PEMT: variants seen among roughly 807,000 people sequenced by gnomAD.
PEMT encodes phospholipid methyltransferase.
In PEMT, 23 loss-of-function variants were observed where a neutral mutation model predicts 27.4. The observed-to-expected ratio is 0.84, with a 90% CI of 0.60 to 1.19. The LOEUF is 1.19. PEMT is among the 50% of genes most tolerant of loss of function. The pLI is 0.00. For synonymous variants in PEMT, 137 were observed against 139.1 expected (o/e 0.98, Z 0.11); for missense variants, 307 against 310.1 (o/e 0.99, Z 0.07).
chr17:17,530,624 G>A (rs140068830), intron 2 of PEMT, among the ~76,000 whole-genome samples: 6 of 152,254 alleles, frequency 3.9e-5, no homozygotes, highest in South Asian at 2.1e-4. Context: ...CCCTCCTGCC[G>A]CACAGCCTGA....
chr17:17,591,469 A>G (rs924290279), intron 1 of PEMT, 62 bp downstream of exon 1: 14 of 1,342,522 alleles, frequency 1.0e-5, no homozygotes, highest in Non-Finnish European at 1.2e-5. Context: ...GCAAGCCTTC[A>G]CGCCCCTCGG....
intron 2 of PEMT, among the ~76,000 whole-genome samples, chr17:17,528,434 CT>C (rs1285322604): frequency 6.6e-6 from 1 of 152,242 alleles, no homozygotes; most frequent in African/African-American, 2.4e-5. Context: ...CGAGGAGGCA[CT>C]CAACAAGCAC....
At chr17:17,554,646 C>T (rs1441712234) in intron 2 of PEMT, among the ~76,000 whole-genome samples, 2 of 151,700 alleles carry the variant, frequency 1.3e-5, no homozygotes, top group East Asian at 1.9e-4. Flanking sequence ...CAGAGTGTCT[C>T]GCTCTGTCTC....
chr17:17,505,742 G>A lies in PEMT; in HGVS notation c.*49C>T, dbSNP rs1345556226. ...GCCCTGCGCAGGGCCTGCCACTTGG[G>A]GCAGGCCAGGAGGCTGGCCAGGCCT... is the stretch of plus-strand genomic sequence containing the variant. On this transcript the variant is annotated 3_prime_UTR_variant, in exon 7 of 7. Transcript: ENST00000255389. 1 of 1,555,828 alleles carries A rather than the reference G, an allele frequency of 6.4e-7. No individual in the cohort carries two copies. The highest frequency in any genetic ancestry group is 1.2e-5 in the South Asian group (1 of 83,266).
intron 5 of PEMT, chr17:17,508,201 C>T (rs1906050613): frequency 6.6e-6 from 1 of 152,024 alleles, no homozygotes; most frequent in African/African-American, 2.4e-5. Flanking sequence ...CAGGGACGAC[C>T]TGGGTGGGGG....
chr17:17,519,875 G>A (rs555642484), intron 3 of PEMT, among the ~76,000 whole-genome samples: 1 of 152,224 alleles, frequency 6.6e-6, no homozygotes, highest in African/African-American at 2.4e-5. Context: ...CAGCTGCCTT[G>A]TGGCGCTGGC....
At chr17:17,524,271 T>C (rs1907507518) in intron 2 of PEMT, among the ~76,000 whole-genome samples, 1 of 152,178 alleles carries the variant, frequency 6.6e-6, no homozygotes, top group African/African-American at 2.4e-5. Context: ...TGTGGATGTG[T>C]GTTTTCAGTG....
intron 2 of PEMT, among the ~76,000 whole-genome samples, chr17:17,545,502 G>A (rs550966097): frequency 6.6e-6 from 1 of 152,172 alleles, no homozygotes; most frequent in Non-Finnish European, 1.5e-5. Flanking sequence ...ATTCCTATGG[G>A]CCCACTGGAG....
At chr17:17,553,378 A>C (rs937120613) in intron 2 of PEMT, among the ~76,000 whole-genome samples, 4 of 152,164 alleles carry the variant, frequency 2.6e-5, no homozygotes, top group African/African-American at 9.7e-5. Context: ...CCTCCCTGTA[A>C]CTATCCCTGT....
At position 17,582,418 on chromosome 17, in the gene PEMT, C is replaced by T. The variant is rs996643256; in HGVS notation, c.97-5391G>A. 3.0e-5 allele frequency: 30 copies of T among 985,340 alleles called. No individual in the cohort carries two copies. Among genetic ancestry groups the T allele is most frequent in the Admixed American group, 1.8e-4 (3 of 16,268 alleles). 61.0% of individuals were successfully genotyped at this position (985,340 alleles called of 1,614,324 possible). A position where few individuals can be genotyped will look rare whatever the true frequency, so the allele number is the denominator to read the frequency against. ...AGGGGTGCAGGGTTCTCGGGAGCAG[C>T]GCTCTGTGGTCAGGGAATGATCTGC... On this transcript the variant is annotated intron_variant, in intron 1 of 6. Coordinates refer to ENST00000255389, the MANE Select transcript of PEMT (RefSeq NM_148172.3). This position sits in a 1 kb window ranked among gnomAD's most constrained non-coding sequence, Gnocchi z 4.9.
chr17:17,515,549 T>G (rs1044493654), intron 3 of PEMT, among the ~76,000 whole-genome samples: 6 of 152,204 alleles, frequency 3.9e-5, no homozygotes, highest in African/African-American at 1.4e-4. Context: ...GCAGAGGAAC[T>G]GGGCTGAGCT....
Position 17,512,552 on chromosome 17 carries a change from C to A in PEMT, c.423G>T (p.Val141=), listed in dbSNP as rs1380559055. The A allele has an allele frequency of 6.2e-7, 1 of 1,608,730 alleles. No individual in the cohort carries two copies. ...LALLGLGVVL[V]LSSFFALGFA... is the part of the protein sequence containing the mutation. Reference sequence around the variant, plus strand: ...ACCCCAGTGCAAAGAAGCTGGAGAGCACGAGCACGACGCCCAGTCCCAGGA... The same window carrying A: ...ACCCCAGTGCAAAGAAGCTGGAGAGAACGAGCACGACGCCCAGTCCCAGGA... Residue 141 remains valine, a synonymous_variant, in exon 4 of 7, where the codon GTG becomes GTT. Transcript: ENST00000255389. This position sits in a 1 kb window ranked among gnomAD's most constrained non-coding sequence, Gnocchi z 6.3.
intron 2 of PEMT, among the ~76,000 whole-genome samples, chr17:17,545,812 G>GTAC (rs1909220422): frequency 6.6e-6 from 1 of 152,198 alleles, no homozygotes; most frequent in African/African-American, 2.4e-5. Flanking sequence ...AGCTACCAAG[G>GTAC]CAGGATGTAC....
intron 1 of PEMT, chr17:17,578,482 C>G (rs372746689): frequency 4.0e-5 from 6 of 151,644 alleles, no homozygotes; most frequent in Non-Finnish European, 4.4e-5. Context: ...CCTGGGCAAC[C>G]CTGTCTCAAA....
At chr17:17,551,020 T>C (rs1260912040) in intron 2 of PEMT, among the ~76,000 whole-genome samples, 1 of 152,176 alleles carries the variant, frequency 6.6e-6, no homozygotes, top group Non-Finnish European at 1.5e-5. Flanking sequence ...ATCAGGTGGT[T>C]TAATTTAGCA....
rs992210054 is a variant in PEMT, at chr17:17,512,036, C to T, written c.466+473G>A. ...CCCAGACCTACACCAGCCCTGCCTG[C>T]GGCCAAACACGGCACAAACCACAAT... On this transcript the variant is annotated intron_variant, in intron 4 of 6. Transcript: ENST00000255389. The surrounding 1 kb of genome is among the most constrained non-coding windows in gnomAD (Gnocchi z 6.3). Among the ~76,000 whole-genome samples the T allele has an allele frequency of 2.0e-5, 3 of 152,184 alleles. No individual in the cohort carries two copies. The highest frequency in any genetic ancestry group is 4.8e-5 in the African/African-American group (2 of 41,438).
chr17:17,531,163 A>C (rs1001869482), intron 2 of PEMT, among the ~76,000 whole-genome samples: 1 of 152,186 alleles, frequency 6.6e-6, no homozygotes, highest in African/African-American at 2.4e-5. Context: ...TCCTTGGTTA[A>C]AAGGCCGATT....
intron 2 of PEMT, among the ~76,000 whole-genome samples, chr17:17,555,615 G>A (rs1909994366): frequency 1.3e-5 from 2 of 152,188 alleles, no homozygotes; most frequent in African/African-American, 4.8e-5. Flanking sequence ...CTATGCTGGT[G>A]CTTGGGTTCC....
At chr17:17,586,292 A>AAGAAAGAAAGAAAG (rs1912308812) in intron 1 of PEMT, among the ~76,000 whole-genome samples, 1 of 107,160 alleles carries the variant, frequency 9.3e-6, no homozygotes, top group African/African-American at 5.5e-5. Context: ...AAGAAAGAAA[A>AAGAAAGAAAGAAAG]AAAAAAACGC....
Sources: gnomAD v4.1 joint callset for allele counts (sites outside exome capture counted in the v4.1 genomes callset) on GRCh38, gnomAD v4.1.1 for gene constraint, Gnocchi (gnomAD v3.1) non-coding constraint, MANE v1.5 for transcripts, NCBI Gene and HGNC (gene_info 2026-07-23, HGNC 2026-07-21) for gene names.